DISP1: variants seen among roughly 807,000 people sequenced by gnomAD.
DISP1 encodes dispatched RND transporter family member 1.
A neutral mutation model predicts 37.3 loss-of-function variants in DISP1; 30 were observed. That is an observed-to-expected ratio of 0.80 (90% CI 0.60 to 1.09). The LOEUF (loss-of-function observed/expected upper bound fraction) is 1.09, where lower values mean the gene tolerates loss of function less well. DISP1 is among the 50% of genes least tolerant of loss of function. The probability of loss-of-function intolerance (pLI) is 0.00; values close to 1 mark genes in which losing one functional copy is unlikely to be tolerated. For missense variants in DISP1, 1,598 were observed against 1,879.5 expected, an observed-to-expected ratio of 0.85 and a Z score of 2.77; for synonymous variants, 634 against 690.2, an observed-to-expected ratio of 0.92 and a Z score of 1.28.
rs899286578 is a variant in DISP1 at position 222,815,081 on chromosome 1, G to A, written c.-159+3G>A. 7.2e-5 allele frequency: 11 copies of A among 152,246 alleles called. No homozygotes were observed. Among genetic ancestry groups the A allele is most frequent in the Non-Finnish European group, 1.2e-4 (8 of 68,098 alleles). The allele number at this position is 152,246 out of a possible 1,614,324, so 9.4% of individuals were successfully genotyped here. ...GCATCCGAGAGCCCGGACTGGAGGT[G>A]AGTTCGCAGCCGGAACGTTGCAGGC... On this transcript the variant is annotated splice_donor_region_variant and intron_variant, in intron 1 of 8. Transcript: ENST00000675850.
chr1:222,997,095 T>C (rs1462999332), intron 8 of DISP1, among the ~76,000 whole-genome samples: 6 of 149,924 alleles, frequency 4.0e-5, no homozygotes. Context: ...ATGATTTATA[T>C]AGATAGATAG....
At chr1:222,834,809 G>C (rs570448791) in intron 1 of DISP1, among the ~76,000 whole-genome samples, 5 of 152,132 alleles carry the variant, frequency 3.3e-5, no homozygotes, top group African/African-American at 1.2e-4. Flanking sequence ...TGTGATATTG[G>C]GCAAGTTACC....
intron 8 of DISP1, 63 bp from the exon 9 acceptor site, chr1:223,002,322 C>T: frequency 6.9e-7 from 1 of 1,456,150 alleles, no homozygotes. Flanking sequence ...CAGTCCTTTC[C>T]AGTTGTGAAC....
At chr1:222,994,852 C>A (rs1678943621) in intron 7 of DISP1, 33 bp from the exon 8 acceptor site, 3 of 1,481,878 alleles carry the variant, frequency 2.0e-6, no homozygotes, top group Non-Finnish European at 2.8e-6. Context: ...ATTTATAAAC[C>A]TTTTTCTTTC....
intron 1 of DISP1, among the ~76,000 whole-genome samples, chr1:222,843,863 G>T (rs927207826): frequency 3.9e-5 from 6 of 152,052 alleles, no homozygotes; most frequent in Admixed American, 2.0e-4. Flanking sequence ...ATTAAAAGAC[G>T]CAAAAGCCCC....
At chr1:222,957,656 A>G (rs1215003486) in intron 3 of DISP1, among the ~76,000 whole-genome samples, 2 of 152,288 alleles carry the variant, frequency 1.3e-5, no homozygotes, top group South Asian at 4.2e-4. Flanking sequence ...TCTAAAGGGC[A>G]CCTAGCTGCC....
chr1:222,864,373 G>A (rs545514757), intron 1 of DISP1, among the ~76,000 whole-genome samples: 3 of 152,196 alleles, frequency 2.0e-5, no homozygotes, highest in South Asian at 2.1e-4. Flanking sequence ...CTTGGCATTA[G>A]GTATTAATAG....
chr1:222,827,034 T>C (rs1367955234), intron 1 of DISP1, among the ~76,000 whole-genome samples: 2 of 152,218 alleles, frequency 1.3e-5, no homozygotes, highest in Non-Finnish European at 2.9e-5. Context: ...TCTTTAGTTT[T>C]AGTGGTTGTC....
intron 1 of DISP1, among the ~76,000 whole-genome samples, chr1:222,843,751 A>G (rs1667739432): frequency 6.6e-6 from 1 of 152,150 alleles, no homozygotes; most frequent in East Asian, 1.9e-4. Context: ...GACAAGAAAG[A>G]AAAATGAAAA....
At chr1:222,836,797 C>A in intron 1 of DISP1, 1 of 264,360 alleles carries the variant, frequency 3.8e-6, no homozygotes, top group Non-Finnish European at 7.0e-6. Flanking sequence ...TGTTATTTAG[C>A]ATGATTTAGT....
At chr1:222,835,542 A>G (rs1182369673) in intron 1 of DISP1, among the ~76,000 whole-genome samples, 4 of 152,192 alleles carry the variant, frequency 2.6e-5, no homozygotes, top group Non-Finnish European at 5.9e-5. Context: ...TACCAGGTGC[A>G]TTTGGAATCA....
chr1:222,947,379 ATATT>A (rs1387342417), intron 3 of DISP1, among the ~76,000 whole-genome samples: 1 of 151,998 alleles, frequency 6.6e-6, no homozygotes, highest in African/African-American at 2.4e-5. Context: ...ATTCCATTGT[ATATT>A]TATATATTAT....
At chr1:222,841,800 G>A (rs1667628168) in intron 1 of DISP1, among the ~76,000 whole-genome samples, 1 of 152,050 alleles carries the variant, frequency 6.6e-6, no homozygotes, top group African/African-American at 2.4e-5. Context: ...GTAAAATTTG[G>A]CATTATTTCA....
intron 1 of DISP1, among the ~76,000 whole-genome samples, chr1:222,898,957 G>C (rs578211557): frequency 6.6e-6 from 1 of 151,994 alleles, no homozygotes; most frequent in Non-Finnish European, 1.5e-5. Flanking sequence ...TTAACCTTGT[G>C]ACATTTAATC....
intron 1 of DISP1, among the ~76,000 whole-genome samples, chr1:222,907,946 C>T (rs558164868): frequency 1.3e-5 from 2 of 152,062 alleles, no homozygotes; most frequent in Non-Finnish European, 2.9e-5. Context: ...AAGACTCCAT[C>T]TCAAAATAAA....
At chr1:222,855,774 A>G (rs2125317081) in intron 1 of DISP1, among the ~76,000 whole-genome samples, 1 of 152,220 alleles carries the variant, frequency 6.6e-6, no homozygotes, top group South Asian at 2.1e-4. Context: ...ACTAATTCAA[A>G]TTTCATATAA....
intron 1 of DISP1, among the ~76,000 whole-genome samples, chr1:222,920,379 A>G (rs1572511652): frequency 6.6e-6 from 1 of 152,152 alleles, no homozygotes; most frequent in East Asian, 1.9e-4. Context: ...GAGCCCATGG[A>G]TTTATTGTAA....
chr1:222,817,622 T>C (rs1438957876), intron 1 of DISP1, among the ~76,000 whole-genome samples: 1 of 152,254 alleles, frequency 6.6e-6, no homozygotes, highest in Non-Finnish European at 1.5e-5. Context: ...GCTGCTGCAC[T>C]GCCTCTGATG....
At chr1:222,922,072 TAGAG>T (rs66571589) in intron 1 of DISP1, among the ~76,000 whole-genome samples, 38,155 of 151,898 alleles carry the variant, frequency 0.25, 4,999 homozygotes, top group South Asian at 0.46. Flanking sequence ...CCATTGCTGG[TAGAG>T]AGACTAGCAC....
Sources: allele counts gnomAD v4.1 joint callset (sites outside exome capture counted in the v4.1 genomes callset), GRCh38; gene constraint gnomAD v4.1.1; transcripts MANE v1.5; gene names NCBI Gene and HGNC (gene_info 2026-07-23, HGNC 2026-07-21).